Variants in CELF2 observed in about 807,000 individuals in gnomAD.
CELF2 encodes CUGBP Elav-like family member 2, also known as CUG triplet repeat RNA-binding protein 2.
A neutral mutation model predicts 62.6 loss-of-function variants in CELF2; 8 were observed. That is an observed-to-expected ratio of 0.13 (90% CI 0.07 to 0.23). The LOEUF is 0.23. Among genes scored for constraint, CELF2 ranks in the 10% least tolerant of loss-of-function variants. The pLI is 1.00. For synonymous variants in CELF2, 258 were observed against 250.0 expected (o/e 1.03, Z -0.30); for missense variants, 333 against 671.0 (o/e 0.50, Z 5.56).
At chr10:10,770,123 G>A in the CELF2 span, among the ~76,000 whole-genome samples, 11,987 of 152,142 alleles carry the variant, frequency 0.079, 669 homozygotes, top group East Asian at 0.18. Context: ...TCTGATGAGA[G>A]CTTCTAGATG....
At chr10:11,233,322 T>C (rs963190793) in intron 3 of CELF2, among the ~76,000 whole-genome samples, 2 of 152,184 alleles carry the variant, frequency 1.3e-5, no homozygotes, top group African/African-American at 4.8e-5. Flanking sequence ...GGGTGTACTT[T>C]TTCAGAGACT....
chr10:11,128,485 G>A (rs1322233383), intron 1 of CELF2, among the ~76,000 whole-genome samples: 12 of 152,214 alleles, frequency 7.9e-5, no homozygotes, highest in East Asian at 3.9e-4. Context: ...CCATTTTCAC[G>A]ATATTGATTC....
intron 1 of CELF2, among the ~76,000 whole-genome samples, chr10:11,090,975 A>T (rs1305855005): frequency 6.6e-6 from 1 of 152,234 alleles, no homozygotes; most frequent in African/African-American, 2.4e-5. Flanking sequence ...AAAAACATGT[A>T]ATCATTGTAT....
the CELF2 span, among the ~76,000 whole-genome samples, chr10:10,500,552 G>GC: frequency 6.6e-6 from 1 of 152,120 alleles, no homozygotes; most frequent in Non-Finnish European, 1.5e-5. Flanking sequence ...TGTAAGACAT[G>GC]CCTTTTGCCT....
At chr10:11,228,707 C>T (rs1414842911) in intron 3 of CELF2, among the ~76,000 whole-genome samples, 1 of 140,508 alleles carries the variant, frequency 7.1e-6, no homozygotes, top group Non-Finnish European at 1.5e-5. Context: ...AACCCCCACC[C>T]GCGCCCCTCG....
intron 3 of CELF2, among the ~76,000 whole-genome samples, chr10:11,222,593 C>T (rs567507425): frequency 6.6e-6 from 1 of 152,286 alleles, no homozygotes; most frequent in South Asian, 2.1e-4. Context: ...TTATTGTTTG[C>T]CAGGCACTGT....
chr10:10,711,837 G>A, the CELF2 span, among the ~76,000 whole-genome samples: 22 of 152,078 alleles, frequency 1.4e-4, no homozygotes, highest in African/African-American at 4.1e-4. Flanking sequence ...AGCCGAGATC[G>A]TGCCACTTCA....
chr10:10,572,324 G>A, the CELF2 span, among the ~76,000 whole-genome samples: 13 of 148,512 alleles, frequency 8.8e-5, no homozygotes, highest in East Asian at 2.0e-4. Flanking sequence ...GTTTTTGTTC[G>A]GTTGGTTTTT....
intron 1 of CELF2, among the ~76,000 whole-genome samples, chr10:10,848,516 A>C (rs2059157488): frequency 6.6e-6 from 1 of 152,244 alleles, no homozygotes; most frequent in African/African-American, 2.4e-5. Context: ...AATGGAATTA[A>C]GACAGAAATC....
At chr10:10,855,306 A>G (rs2132941936) in intron 1 of CELF2, among the ~76,000 whole-genome samples, 1 of 152,304 alleles carries the variant, frequency 6.6e-6, no homozygotes, top group Admixed American at 6.5e-5. Context: ...GATCAGGTGT[A>G]AAAGAGGATG....
the CELF2 span, among the ~76,000 whole-genome samples, chr10:10,704,544 C>G: frequency 1.3e-5 from 2 of 152,102 alleles, no homozygotes; most frequent in Admixed American, 1.3e-4. Context: ...AATTAATAAT[C>G]AAACATACAT....
chr10:11,278,519 A>G lies in CELF2; in HGVS notation c.841+3399A>G, dbSNP rs996138725. Reference sequence around the variant, plus strand: ...AGCTGGGATTTTTCTTGAAAGAGAAAGGGAGTAAGAGAAAGTGTCTTCTCT... The same window carrying G: ...AGCTGGGATTTTTCTTGAAAGAGAAGGGGAGTAAGAGAAAGTGTCTTCTCT... On this transcript the variant is annotated intron_variant, in intron 8 of 12. Transcript: ENST00000633077. Among the ~76,000 whole-genome samples, 23 of 152,348 alleles carry G rather than the reference A, an allele frequency of 1.5e-4. 1 individual carries two copies. The highest frequency in any genetic ancestry group is 5.3e-4 in the African/African-American group (22 of 41,590).
chr10:11,273,248 G>A (rs1325282258), intron 7 of CELF2, among the ~76,000 whole-genome samples: 5 of 152,032 alleles, frequency 3.3e-5, no homozygotes. Context: ...TCCATGGCTT[G>A]TTAGGAACCG....
the CELF2 span, among the ~76,000 whole-genome samples, chr10:10,751,880 T>A: frequency 6.6e-6 from 1 of 152,234 alleles, no homozygotes; most frequent in South Asian, 2.1e-4. Flanking sequence ...CTGGTACTAA[T>A]AGATTCTCAA....
At chr10:10,760,277 C>T in the CELF2 span, among the ~76,000 whole-genome samples, 1 of 152,060 alleles carries the variant, frequency 6.6e-6, no homozygotes, top group African/African-American at 2.4e-5. Context: ...TCTGTCCTAC[C>T]CCAGTCCCCC....
chr10:11,143,770 T>C (rs1252688016), intron 1 of CELF2, among the ~76,000 whole-genome samples: 3 of 152,254 alleles, frequency 2.0e-5, no homozygotes, highest in Admixed American at 2.0e-4. Context: ...AGCATCTACG[T>C]TAGAAAGTCT....
chr10:10,655,934 C>T, the CELF2 span, among the ~76,000 whole-genome samples: 1 of 134,084 alleles, frequency 7.5e-6, no homozygotes, highest in Non-Finnish European at 1.6e-5. Flanking sequence ...AGTGAACAGG[C>T]AACCTACAAA....
At chr10:11,153,255 G>C (rs1377641637) in intron 1 of CELF2, among the ~76,000 whole-genome samples, 3 of 152,016 alleles carry the variant, frequency 2.0e-5, no homozygotes, top group African/African-American at 7.2e-5. Context: ...TTCTCTTCCA[G>C]GTATTTTTTG....
At chr10:10,612,729 G>A in the CELF2 span, among the ~76,000 whole-genome samples, 1 of 152,248 alleles carries the variant, frequency 6.6e-6, no homozygotes, top group African/African-American at 2.4e-5. Flanking sequence ...GGGAGCTCCT[G>A]TGCTCCCATT....
Sources: gnomAD v4.1 joint callset for allele counts (sites outside exome capture counted in the v4.1 genomes callset) on GRCh38, gnomAD v4.1.1 for gene constraint, MANE v1.5 for transcripts, NCBI Gene and HGNC (gene_info 2026-07-23, HGNC 2026-07-21) for gene names.